The following TSHZ3 variants were observed in gnomAD, a reference collection of about 807,000 sequenced individuals.
The protein encoded by TSHZ3 is teashirt zinc finger homeobox 3.
In TSHZ3, 10 loss-of-function variants were observed where a neutral mutation model predicts 64.5. The ratio of observed to expected loss-of-function variants is 0.16; its 90% CI spans 0.10 to 0.26. TSHZ3 has a LOEUF of 0.26. Ranked by LOEUF, TSHZ3 falls within the 10% of genes least tolerant of loss-of-function variation. TSHZ3 has a pLI of 1.00. For missense variants in TSHZ3, 1,242 were observed against 1,421.7 expected (o/e 0.87, Z 2.03); for synonymous variants, 608 against 593.1 (o/e 1.03, Z -0.36).
chr19:31,169,264 C>G (rs1199579868), intron 5 of TSHZ3, among the ~76,000 whole-genome samples: 1 of 152,170 alleles, frequency 6.6e-6, no homozygotes, highest in Non-Finnish European at 1.5e-5. Context: ...ACCATATGAC[C>G]CAGCAACTCC....
intron 5 of TSHZ3, among the ~76,000 whole-genome samples, chr19:31,182,599 C>T (rs1322647781): frequency 6.6e-6 from 1 of 152,194 alleles, no homozygotes; most frequent in Non-Finnish European, 1.5e-5. Context: ...CAAATAGAAT[C>T]CCTCAAAGGA....
chr19:31,313,112 G>A (rs1195655336), intron 1 of TSHZ3, among the ~76,000 whole-genome samples: 6 of 152,122 alleles, frequency 3.9e-5, no homozygotes, highest in Admixed American at 1.3e-4. Flanking sequence ...TGCCAAACCT[G>A]CTTGGGGGCA....
intron 1 of TSHZ3, among the ~76,000 whole-genome samples, chr19:31,322,639 C>T (rs11665741): frequency 1.3e-5 from 2 of 151,304 alleles, no homozygotes; most frequent in Non-Finnish European, 2.9e-5. Context: ...AGGCTGGTCT[C>T]GAACTGCTAG....
At chr19:31,165,209 T>C (rs994517762) in intron 5 of TSHZ3, among the ~76,000 whole-genome samples, 1 of 152,176 alleles carries the variant, frequency 6.6e-6, no homozygotes, top group African/African-American at 2.4e-5. Flanking sequence ...AAGATTCAGC[T>C]ACCGCTGTGA....
rs368982093 is a variant in TSHZ3, at chr19:31,277,075, G to C, written c.2718C>G (p.Leu906=). Residue 906 remains leucine, a synonymous_variant, in exon 2 of 2, where the codon CTC becomes CTG. Transcript: ENST00000240587. The surrounding 1 kb of genome is among the most constrained non-coding windows in gnomAD (Gnocchi z 4.5). ...SNWNPQHLLI[L]QAQFAASLRQ... ...GGAGGCTGGCGGCAAACTGGGCCTGGAGGATCAGGAGGTGCTGGGGGTTCC... is the reference window on the plus strand; with the variant it reads ...GGAGGCTGGCGGCAAACTGGGCCTGCAGGATCAGGAGGTGCTGGGGGTTCC... 1 of 1,607,510 alleles carries C rather than the reference G, an allele frequency of 6.2e-7. No individual in the cohort carries two copies. Among genetic ancestry groups the C allele is most frequent in the African/African-American group, 1.3e-5 (1 of 74,738 alleles).
chr19:31,307,394 T>C lies in TSHZ3; in HGVS notation c.41-27642A>G, dbSNP rs552343254. 2.6e-5 allele frequency among the ~76,000 whole-genome samples: 4 copies of C among 152,166 alleles called. No individual in the cohort carries two copies. In the East Asian group the frequency reaches 7.8e-4, roughly 30 times the overall value. On this transcript the variant is annotated intron_variant, in intron 1 of 1. Transcript: ENST00000240587. Reference sequence around the variant, plus strand: ...GCATATGGCTGGGGAGACGGGAAGATGGAGCGGAGCTGAGAGTGTCAAGAA... The same window carrying C: ...GCATATGGCTGGGGAGACGGGAAGACGGAGCGGAGCTGAGAGTGTCAAGAA...
intron 5 of TSHZ3, among the ~76,000 whole-genome samples, chr19:31,166,085 C>A (rs1974447282): frequency 6.6e-6 from 1 of 152,166 alleles, no homozygotes; most frequent in African/African-American, 2.4e-5. Context: ...CAGCTTTTTT[C>A]TAATTCAGTT....
In TSHZ3 at chr19:31,277,093, G is replaced by A. The variant is rs752059708; in HGVS notation, c.2700C>T (p.Pro900=). The A allele has an allele frequency of 6.9e-6, 11 of 1,605,394 alleles. No individual in the cohort carries two copies. The South Asian group carries it at 1.2e-4, about 18-fold the overall frequency. Residue 900 remains proline (P), a synonymous_variant, in exon 2 of 2, where the codon CCC becomes CCT. Transcript: ENST00000240587. This position sits in a 1 kb window ranked among gnomAD's most constrained non-coding sequence, Gnocchi z 4.5. ...KRKGRQSNWN[P]QHLLILQAQF... is the part of the protein sequence containing the mutation. ...GGGCCTGGAGGATCAGGAGGTGCTG[G>A]GGGTTCCAGTTTGACTGGCGGCCCT...
intron 5 of TSHZ3, among the ~76,000 whole-genome samples, chr19:31,187,546 T>C (rs1974831397): frequency 6.6e-6 from 1 of 152,212 alleles, no homozygotes; most frequent in African/African-American, 2.4e-5. Context: ...TGTGTTTATT[T>C]ATAAGACCTT....
At chr19:31,196,618 A>G (rs963814039) in intron 5 of TSHZ3, among the ~76,000 whole-genome samples, 1 of 152,004 alleles carries the variant, frequency 6.6e-6, no homozygotes, top group Non-Finnish European at 1.5e-5. Context: ...ATTAAAAGTA[A>G]ATGGATGGAG....
intron 1 of TSHZ3, among the ~76,000 whole-genome samples, chr19:31,318,281 G>GATAT (rs1209041615): frequency 6.6e-6 from 1 of 152,120 alleles, no homozygotes; most frequent in Non-Finnish European, 1.5e-5. Flanking sequence ...ATTGTAAACT[G>GATAT]ATATAACAGA....
intron 5 of TSHZ3, among the ~76,000 whole-genome samples, chr19:31,158,179 C>G (rs889006138): frequency 6.6e-6 from 1 of 152,166 alleles, no homozygotes; most frequent in Non-Finnish European, 1.5e-5. Flanking sequence ...TAGCTTCTAG[C>G]CACATGTGGC....
At chr19:31,215,925 C>A (rs1975321295) in intron 4 of TSHZ3, among the ~76,000 whole-genome samples, 2 of 151,052 alleles carry the variant, frequency 1.3e-5, no homozygotes, top group African/African-American at 4.9e-5. Context: ...GTAGAGTTTT[C>A]CAATTGGCTT....
At chr19:31,281,124 T>A (rs1002839855) in intron 1 of TSHZ3, among the ~76,000 whole-genome samples, 3 of 152,148 alleles carry the variant, frequency 2.0e-5, no homozygotes, top group Non-Finnish European at 4.4e-5. Context: ...CAAGGCTGAT[T>A]TCTACAAAAA....
rs192359685 is a variant in TSHZ3, at chr19:31,309,328, C to A, written c.41-29576G>T. Among the ~76,000 whole-genome samples the A allele has an allele frequency of 1.2e-4, 19 of 152,244 alleles. 1 individual carries two copies. The East Asian group carries it at 2.7e-3, about 22-fold the overall frequency. On this transcript the variant is annotated intron_variant, in intron 1 of 1. Coordinates refer to ENST00000240587, the MANE Select transcript of TSHZ3 (RefSeq NM_020856.4). The stretch of plus-strand genomic sequence containing the variant: ...AGAGAGAGGGAGTAGATTCGGAATT[C>A]CTTGCCTGAAGGAGGAACATGGCCT...
intron 5 of TSHZ3, chr19:31,195,673 A>G (rs534266908): frequency 1.3e-5 from 2 of 152,212 alleles, no homozygotes; most frequent in African/African-American, 4.8e-5. Context: ...TACATAAAAA[A>G]AGGAAGAAAC....
intron 1 of TSHZ3, among the ~76,000 whole-genome samples, chr19:31,293,143 AC>A (rs1976604315): frequency 4.6e-5 from 7 of 152,156 alleles, no homozygotes; most frequent in Admixed American, 3.9e-4. Context: ...CCATCCGCCC[AC>A]CCACCCATCA....
chr19:31,254,976 G>A lies in TSHZ3; in HGVS notation n.64-12101C>T, dbSNP rs143117700. On this transcript the variant is annotated intron_variant and non_coding_transcript_variant, in intron 1 of 6. Transcript: ENST00000651361. ...AGGTGCCTCAGCAGGAGTGGGGAAG[G>A]AAGGAAGTCACTTCAATGAATGATA... Among the ~76,000 whole-genome samples, 640 of 152,272 alleles carry A rather than the reference G, an allele frequency of 4.2e-3. 5 individuals are homozygous for A. Among genetic ancestry groups the A allele is most frequent in the Middle Eastern group, 0.041 (12 of 292 alleles).
chr19:31,214,261 A>G (rs899132804), intron 4 of TSHZ3, among the ~76,000 whole-genome samples: 1 of 152,190 alleles, frequency 6.6e-6, no homozygotes, highest in African/African-American at 2.4e-5. Context: ...CCGCAGGGTA[A>G]CCAGAGGCTG....
Sources: allele counts gnomAD v4.1 joint callset (sites outside exome capture counted in the v4.1 genomes callset), GRCh38; gene constraint gnomAD v4.1.1; non-coding constraint Gnocchi (gnomAD v3.1); transcripts MANE v1.5; gene names NCBI Gene and HGNC (gene_info 2026-07-23, HGNC 2026-07-21).